The following AHDC1 variants were observed in gnomAD, a reference collection of about 807,000 sequenced individuals.
The protein encoded by AHDC1 is transcription factor Gibbin.
In AHDC1, 7 loss-of-function variants were observed where a neutral mutation model predicts 87.9. The ratio of observed to expected loss-of-function variants is 0.08; its 90% CI spans 0.05 to 0.15. The LOEUF (loss-of-function observed/expected upper bound fraction) is 0.15. Among genes scored for constraint, AHDC1 ranks in the 10% least tolerant of loss-of-function variants. AHDC1 has a pLI of 1.00. For missense variants in AHDC1, 1,841 were observed against 2,253.2 expected, an observed-to-expected ratio of 0.82 and a Z score of 3.70; for synonymous variants, 1,051 against 1,006.8, an observed-to-expected ratio of 1.04 and a Z score of -0.83.
intron 3 of AHDC1, among the ~76,000 whole-genome samples, chr1:27,575,504 G>A (rs1345059347): frequency 6.6e-6 from 1 of 152,000 alleles, no homozygotes; most frequent in Non-Finnish European, 1.5e-5. Flanking sequence ...CCCTAGGGTC[G>A]GGCGCCAGGC....
At chr1:27,576,517 T>A (rs1012589669) in intron 3 of AHDC1, among the ~76,000 whole-genome samples, 10 of 152,322 alleles carry the variant, frequency 6.6e-5, no homozygotes, top group Middle Eastern at 3.4e-3. Flanking sequence ...TATTATCCCC[T>A]TTTTGTTAAT....
intron 3 of AHDC1, among the ~76,000 whole-genome samples, chr1:27,587,631 T>C (rs2089097563): frequency 6.6e-6 from 1 of 152,152 alleles, no homozygotes; most frequent in African/African-American, 2.4e-5. Context: ...TCAGGTGAGC[T>C]TTCTGTAGAC....
chr1:27,555,423 G>A (rs1472883659), intron 5 of AHDC1, among the ~76,000 whole-genome samples: 1 of 152,186 alleles, frequency 6.6e-6, no homozygotes, highest in Non-Finnish European at 1.5e-5. Flanking sequence ...TCTATCCACT[G>A]TTCCTTCTCT....
chr1:27,547,603 G>T lies in AHDC1; in HGVS notation c.4513C>A (p.Leu1505Met), dbSNP rs2019240311. 1.2e-6 allele frequency: 2 copies of T among 1,605,464 alleles called. No homozygotes were observed. Among genetic ancestry groups the T allele is most frequent in the Non-Finnish European group, 1.7e-6 (2 of 1,176,826 alleles). ...TTGGGCGTGGCTGGTGGGCTAGCCA[G>T]GTGAGGGGCACTGAGGCACGCGGCC... ...TEAACLSAPHLASPPATPKAD... is the reference protein window; with the variant it reads ...TEAACLSAPHMASPPATPKAD... The change falls in exon 8 of 9, where the codon CTG becomes ATG. Residue 1505 changes from leucine (L) to methionine (M), a missense_variant. Transcript: ENST00000673934. This position sits in a 1 kb window ranked among gnomAD's most constrained non-coding sequence, Gnocchi z 4.9.
At chr1:27,600,262 T>C (rs1372553946) in intron 3 of AHDC1, among the ~76,000 whole-genome samples, 1 of 151,472 alleles carries the variant, frequency 6.6e-6, no homozygotes, top group Non-Finnish European at 1.5e-5. Context: ...CCAGCTCCAC[T>C]CCATCCTGGC....
At chr1:27,541,765 C>T (rs1019462769) in intron 8 of AHDC1, among the ~76,000 whole-genome samples, 1 of 151,306 alleles carries the variant, frequency 6.6e-6, no homozygotes, top group Admixed American at 6.6e-5. Context: ...GAGTAGCTGG[C>T]ACTACAGGCA....
intron 3 of AHDC1, among the ~76,000 whole-genome samples, chr1:27,602,211 C>A (rs1489706536): frequency 8.6e-5 from 13 of 151,998 alleles, no homozygotes; most frequent in Non-Finnish European, 4.4e-5. Flanking sequence ...AGACTCCCCA[C>A]CCCTCCACAT....
chr1:27,542,397 C>CAG (rs914503789), intron 8 of AHDC1, among the ~76,000 whole-genome samples: 6 of 152,338 alleles, frequency 3.9e-5, no homozygotes, highest in African/African-American at 1.4e-4. Context: ...AGGAGGAGCA[C>CAG]AGGCGAGGGA....
intron 8 of AHDC1, among the ~76,000 whole-genome samples, chr1:27,537,621 C>T (rs994272360): frequency 6.6e-5 from 10 of 152,178 alleles, no homozygotes; most frequent in Non-Finnish European, 1.0e-4. Flanking sequence ...CTTGTCATCC[C>T]GACCTGGCTC....
Position 27,549,080 on chromosome 1 carries a change from G to A in AHDC1, c.3036C>T (p.Pro1012=), listed in dbSNP as rs1211621568. ...CATAGCCGGCGCTGTGGGCGCTGCTGGGTGAGGCAGGGAGGCTGTTGCCAC... is the reference window on the plus strand; with the variant it reads ...CATAGCCGGCGCTGTGGGCGCTGCTAGGTGAGGCAGGGAGGCTGTTGCCAC... ...YGSGNSLPAS[P]SSAHSAGYAP... Residue 1012 remains proline (P), a synonymous_variant, in exon 8 of 9, where the codon CCC becomes CCT. Coordinates refer to ENST00000673934, the MANE Select transcript of AHDC1 (RefSeq NM_001371928.1). 1.9e-6 allele frequency: 3 copies of A among 1,559,248 alleles called. No individual in the cohort carries two copies. The highest frequency in any genetic ancestry group is 2.6e-6 in the Non-Finnish European group (3 of 1,152,276).
Position 27,551,914 on chromosome 1 carries a change from C to G in AHDC1, c.202G>C (p.Asp68His), listed in dbSNP as rs1433134498. 2 of 1,581,376 alleles carry G rather than the reference C, an allele frequency of 1.3e-6. No individual in the cohort carries two copies. The highest frequency in any genetic ancestry group is 2.7e-5 in the African/African-American group (2 of 73,216). Residue 68 changes from aspartate to histidine, a missense_variant, in exon 8 of 9, where the codon GAC becomes CAC. Asp to His is a moderately conservative substitution (Grantham distance 81). Coordinates refer to ENST00000673934, the MANE Select transcript of AHDC1 (RefSeq NM_001371928.1). ...SENPRPPPRR[D>H]PSTRRPPVLA... ...ACTGGTGGGCGCCGGGTGCTGGGGTCCCGGCGTGGGGGTGGGCGTGGGTTC... is the reference window on the plus strand; with the variant it reads ...ACTGGTGGGCGCCGGGTGCTGGGGTGCCGGCGTGGGGGTGGGCGTGGGTTC...
chr1:27,564,479 A>G (rs542470635), intron 3 of AHDC1, among the ~76,000 whole-genome samples: 1 of 152,236 alleles, frequency 6.6e-6, no homozygotes, highest in African/African-American at 2.4e-5. Flanking sequence ...GAGACAAGGT[A>G]GCATAAAGTG....
chr1:27,550,442 G>C lies in AHDC1; in HGVS notation c.1674C>G (p.Pro558=), dbSNP rs567822339. 1 of 1,608,720 alleles carries C rather than the reference G, an allele frequency of 6.2e-7. No individual in the cohort carries two copies. The highest frequency in any genetic ancestry group is 1.3e-5 in the African/African-American group (1 of 74,768). The change falls in exon 8 of 9, where the codon CCC becomes CCG. Residue 558 remains proline, a synonymous_variant. Transcript: ENST00000673934. The part of the protein sequence containing the change: ...GRPPKNLLLG[P]GKPKEPAVVA... Reference sequence around the variant, plus strand: ...CCACAGCTGGCTCCTTGGGCTTGCCGGGACCCAGCAGCAGGTTCTTAGGAG... The same window carrying C: ...CCACAGCTGGCTCCTTGGGCTTGCCCGGACCCAGCAGCAGGTTCTTAGGAG...
At chr1:27,541,755 G>A (rs1413306955) in intron 8 of AHDC1, among the ~76,000 whole-genome samples, 1 of 150,848 alleles carries the variant, frequency 6.6e-6, no homozygotes, top group African/African-American at 2.4e-5. Flanking sequence ...TCAGCTTCCC[G>A]AGTAGCTGGC....
intron 3 of AHDC1, among the ~76,000 whole-genome samples, chr1:27,584,576 T>C (rs995698318): frequency 1.3e-5 from 2 of 152,218 alleles, no homozygotes; most frequent in African/African-American, 4.8e-5. Flanking sequence ...GCCTTGTTTT[T>C]CCAGTTAGTT....
rs910695319 is a variant in AHDC1 at position 27,549,888 on chromosome 1, C to T, written c.2228G>A (p.Arg743Gln). The change falls in exon 8 of 9, where the codon CGG (arginine) becomes CAG (glutamine). Residue 743 changes from arginine (R) to glutamine (Q), a missense_variant. Arg to Gln is a conservative substitution (Grantham distance 43). Coordinates refer to ENST00000673934, the MANE Select transcript of AHDC1 (RefSeq NM_001371928.1). ...GAACAGAGTCCCATTCTTCCGGGAC[C>T]GTCTCTTGCGCTTTGGCTTCCCAGT... Reference protein sequence around the residue: ...AVTGKPKRKRRSRKNGTLFPE... With the variant: ...AVTGKPKRKRQSRKNGTLFPE... 1.2e-6 allele frequency: 2 copies of T among 1,613,578 alleles called. No individual in the cohort carries two copies. Among genetic ancestry groups the T allele is most frequent in the Admixed American group, 1.7e-5 (1 of 59,986 alleles).
intron 3 of AHDC1, among the ~76,000 whole-genome samples, chr1:27,564,984 C>A (rs553198217): frequency 1.3e-5 from 2 of 152,284 alleles, no homozygotes; most frequent in Admixed American, 1.3e-4. Flanking sequence ...GAGTCCTGGC[C>A]ACGGACAGCC....
intron 3 of AHDC1, among the ~76,000 whole-genome samples, chr1:27,588,191 T>A (rs1328670339): frequency 6.6e-6 from 1 of 152,214 alleles, no homozygotes; most frequent in African/African-American, 2.4e-5. Flanking sequence ...AGGCTTTGCA[T>A]ATGCTATTCC....
At position 27,590,596 on chromosome 1, in the gene AHDC1, G is replaced by A. The variant is rs976661989; in HGVS notation, c.-629+12801C>T. On this transcript the variant is annotated intron_variant, in intron 3 of 8. Coordinates refer to ENST00000673934, the MANE Select transcript of AHDC1 (RefSeq NM_001371928.1). This position sits in a 1 kb window ranked among gnomAD's most constrained non-coding sequence, Gnocchi z 5.4. ...TTCTCTCAGACTTGGGGGGTCTGAG[G>A]ACAAGGCTGTGTGTCCTGCATCTGT... is the stretch of plus-strand genomic sequence containing the variant. Among the ~76,000 whole-genome samples the A allele has an allele frequency of 2.6e-5, 4 of 152,094 alleles. No homozygotes were observed. Among genetic ancestry groups the A allele is most frequent in the African/African-American group, 7.2e-5 (3 of 41,400 alleles).
Sources: allele counts gnomAD v4.1 joint callset (sites outside exome capture counted in the v4.1 genomes callset), GRCh38; gene constraint gnomAD v4.1.1; non-coding constraint Gnocchi (gnomAD v3.1); transcripts MANE v1.5; gene names NCBI Gene and HGNC (gene_info 2026-07-23, HGNC 2026-07-21).